Variants in KIAA1328 observed in about 807,000 individuals in gnomAD.
The protein encoded by KIAA1328 is protein hinderin.
In KIAA1328, 52 loss-of-function variants were observed where a neutral mutation model predicts 68.1. The ratio of observed to expected loss-of-function variants is 0.76; its 90% CI spans 0.61 to 0.96. The LOEUF (loss-of-function observed/expected upper bound fraction) is 0.96. Among genes scored for constraint, KIAA1328 ranks in the 40% least tolerant of loss-of-function variants. The pLI, the probability that KIAA1328 is intolerant of heterozygous loss-of-function variation, is 0.00. For synonymous variants in KIAA1328, 232 were observed against 239.4 expected (o/e 0.97, Z 0.28); for missense variants, 641 against 677.6 (o/e 0.95, Z 0.60).
chr18:36,895,462 G>T (rs1471803044), intron 5 of KIAA1328, among the ~76,000 whole-genome samples: 1 of 152,174 alleles, frequency 6.6e-6, no homozygotes, highest in Admixed American at 6.6e-5. Flanking sequence ...AGATTTTAAA[G>T]ATCTGCTTCA....
chr18:37,125,706 G>A (rs1336320521), intron 7 of KIAA1328, among the ~76,000 whole-genome samples: 1 of 152,188 alleles, frequency 6.6e-6, no homozygotes, highest in African/African-American at 2.4e-5. Context: ...AGGAAATACA[G>A]ATTGGTCATC....
chr18:37,178,855 C>T (rs1434452125), intron 9 of KIAA1328, among the ~76,000 whole-genome samples: 7 of 152,060 alleles, frequency 4.6e-5, no homozygotes, highest in Non-Finnish European at 8.8e-5. Flanking sequence ...TTCATGTACC[C>T]GTTAGCCATT....
chr18:37,072,738 A>G (rs1223188468), intron 7 of KIAA1328, among the ~76,000 whole-genome samples: 1 of 152,202 alleles, frequency 6.6e-6, no homozygotes, highest in East Asian at 1.9e-4. Context: ...TTTGCTGCAC[A>G]TACTGACCCA....
At chr18:36,999,934 G>A (rs1283345052) in intron 6 of KIAA1328, among the ~76,000 whole-genome samples, 1 of 151,470 alleles carries the variant, frequency 6.6e-6, no homozygotes, top group Non-Finnish European at 1.5e-5. Context: ...AACACTAAGA[G>A]AAAAGAAGGG....
intron 6 of KIAA1328, among the ~76,000 whole-genome samples, chr18:36,972,676 G>T (rs558083185): frequency 6.6e-6 from 1 of 152,310 alleles, no homozygotes; most frequent in East Asian, 1.9e-4. Flanking sequence ...CAGCTTCAAT[G>T]ATGGCATTGG....
intron 5 of KIAA1328, among the ~76,000 whole-genome samples, chr18:36,944,597 C>T (rs141880254): frequency 2.7e-4 from 41 of 151,994 alleles, no homozygotes; most frequent in Non-Finnish European, 5.3e-4. Context: ...AATACAAGGT[C>T]ATGGGGAAGT....
At chr18:36,874,448 T>C (rs1030414333) in intron 4 of KIAA1328, among the ~76,000 whole-genome samples, 4 of 152,206 alleles carry the variant, frequency 2.6e-5, no homozygotes, top group African/African-American at 9.7e-5. Flanking sequence ...GTGATGAGCT[T>C]TTTATCATAT....
At chr18:37,147,712 A>T (rs2058933768) in intron 7 of KIAA1328, among the ~76,000 whole-genome samples, 1 of 152,156 alleles carries the variant, frequency 6.6e-6, no homozygotes, top group Non-Finnish European at 1.5e-5. Context: ...GCTTTCTAGT[A>T]TTCTTAGCGG....
intron 7 of KIAA1328, among the ~76,000 whole-genome samples, chr18:37,152,433 T>G (rs547812837): frequency 1.3e-5 from 2 of 152,142 alleles, no homozygotes; most frequent in Non-Finnish European, 2.9e-5. Context: ...TTAACCTTTG[T>G]TCTCCCTAGT....
At chr18:37,033,130 G>T (rs977278291) in intron 6 of KIAA1328, among the ~76,000 whole-genome samples, 1 of 151,926 alleles carries the variant, frequency 6.6e-6, no homozygotes, top group African/African-American at 2.4e-5. Context: ...ATACCATTTG[G>T]TTATTTTAAA....
intron 5 of KIAA1328, among the ~76,000 whole-genome samples, chr18:36,911,883 C>T (rs979776089): frequency 2.0e-5 from 3 of 152,008 alleles, no homozygotes; most frequent in Non-Finnish European, 2.9e-5. Flanking sequence ...AGAAAGAGCT[C>T]CTTGACATTA....
At chr18:37,010,136 C>T (rs2053922172) in intron 6 of KIAA1328, among the ~76,000 whole-genome samples, 1 of 152,068 alleles carries the variant, frequency 6.6e-6, no homozygotes, top group Non-Finnish European at 1.5e-5. Context: ...AAATTTGCCT[C>T]TTGCTTAGAG....
rs2060576434 is a variant in KIAA1328 at position 37,222,139 on chromosome 18, T to C, written c.1646T>C (p.Leu549Pro). 1 of 1,611,326 alleles carries C rather than the reference T, an allele frequency of 6.2e-7. No homozygotes were observed. The highest frequency in any genetic ancestry group is 1.7e-5 in the Admixed American group (1 of 59,652). Residue 549 changes from leucine to proline, a missense_variant, in exon 10 of 10, where the codon CTA (leucine) becomes CCA (proline). By Grantham distance (98) the Leu-to-Pro change is moderately conservative. Coordinates refer to ENST00000280020, the MANE Select transcript of KIAA1328 (RefSeq NM_020776.3). ...CATGGTACTTTCCGACTCAGTCCTC[T>C]AAAATCAACCCGGAAGAAGATGGGG... ...WNHGTFRLSP[L>P]KSTRKKMGMH...
rs111751104 is a variant in KIAA1328, at chr18:36,987,703, A to G, written c.576+28268A>G. ...ACAAGGAGACTTTTAGAGATGGTGG[A>G]TATGTTCTTGGTCTTGACTGTGGTG... On this transcript the variant is annotated intron_variant, in intron 6 of 9. Coordinates refer to ENST00000280020, the MANE Select transcript of KIAA1328 (RefSeq NM_020776.3). 4.7e-3 allele frequency among the ~76,000 whole-genome samples: 714 copies of G among 152,022 alleles called. 7 individuals carry two copies. Among genetic ancestry groups the G allele is most frequent in the African/African-American group, 0.016 (677 of 41,486 alleles).
At chr18:37,054,354 C>T (rs1385352099) in intron 6 of KIAA1328, among the ~76,000 whole-genome samples, 4 of 152,026 alleles carry the variant, frequency 2.6e-5, no homozygotes, top group Admixed American at 2.6e-4. Context: ...GGAAAGACAC[C>T]TGCACTCATA....
intron 7 of KIAA1328, among the ~76,000 whole-genome samples, chr18:37,139,636 C>T (rs961717611): frequency 1.3e-5 from 2 of 152,068 alleles, no homozygotes; most frequent in African/African-American, 2.4e-5. Context: ...TTGAGATGAG[C>T]GACTAACTAA....
At chr18:37,113,728 T>G (rs888185737) in intron 7 of KIAA1328, among the ~76,000 whole-genome samples, 1 of 151,990 alleles carries the variant, frequency 6.6e-6, no homozygotes, top group African/African-American at 2.4e-5. Context: ...TGGATAAAGA[T>G]TCAAGACTCA....
intron 9 of KIAA1328, among the ~76,000 whole-genome samples, chr18:37,205,977 A>T (rs2060208955): frequency 6.6e-6 from 1 of 152,220 alleles, no homozygotes; most frequent in South Asian, 2.1e-4. Context: ...GCAGTAAATC[A>T]TTGGTATCAT....
chr18:37,053,051 A>G (rs1167384941), intron 6 of KIAA1328, among the ~76,000 whole-genome samples: 1 of 152,194 alleles, frequency 6.6e-6, no homozygotes. Flanking sequence ...CCTAAGCAAA[A>G]AGAACAAAGC....
Sources: allele counts gnomAD v4.1 joint callset (sites outside exome capture counted in the v4.1 genomes callset), GRCh38; gene constraint gnomAD v4.1.1; transcripts MANE v1.5; gene names NCBI Gene and HGNC (gene_info 2026-07-23, HGNC 2026-07-21).